The following PARM1 variants were observed in gnomAD, a reference collection of about 807,000 sequenced individuals.
PARM1 encodes prostate androgen-regulated mucin-like protein 1.
Under a neutral mutation model 24.6 loss-of-function variants are expected in PARM1, and 14 were observed. The ratio of observed to expected loss-of-function variants is 0.57; its 90% CI spans 0.38 to 0.89. The LOEUF is 0.89. Among genes scored for constraint, PARM1 ranks in the 40% least tolerant of loss-of-function variants. PARM1 has a pLI of 0.00. For synonymous variants in PARM1, 179 were observed against 156.6 expected (o/e 1.14, Z -1.07); for missense variants, 362 against 380.4 (o/e 0.95, Z 0.40).
At chr4:75,026,416 A>C (rs1373662744) in intron 2 of PARM1, among the ~76,000 whole-genome samples, 1 of 152,236 alleles carries the variant, frequency 6.6e-6, no homozygotes, top group African/African-American at 2.4e-5. Flanking sequence ...TACATATGGC[A>C]GTATCAGTTA....
intron 1 of PARM1, among the ~76,000 whole-genome samples, chr4:74,981,075 T>C (rs746929947): frequency 1.3e-5 from 2 of 152,060 alleles, no homozygotes; most frequent in South Asian, 2.1e-4. Flanking sequence ...TATGAAAATG[T>C]CAAAAGCAAT....
intron 1 of PARM1, among the ~76,000 whole-genome samples, chr4:74,991,425 C>T (rs1722464102): frequency 6.6e-6 from 1 of 152,060 alleles, no homozygotes; most frequent in Non-Finnish European, 1.5e-5. Flanking sequence ...TAGGCAGAGC[C>T]AGGCAAACTT....
chr4:74,934,719 G>A (rs952934560), intron 1 of PARM1, among the ~76,000 whole-genome samples: 3 of 152,204 alleles, frequency 2.0e-5, no homozygotes, highest in Non-Finnish European at 2.9e-5. Flanking sequence ...CCGGCTGGCT[G>A]CGGGTGGTAA....
At chr4:74,999,517 T>C (rs1248993488) in intron 1 of PARM1, among the ~76,000 whole-genome samples, 1 of 152,136 alleles carries the variant, frequency 6.6e-6, no homozygotes, top group Non-Finnish European at 1.5e-5. Flanking sequence ...AATGGAAAGG[T>C]TGTATGAAAT....
chr4:75,023,868 C>T (rs1171967042), intron 2 of PARM1, among the ~76,000 whole-genome samples: 1 of 152,186 alleles, frequency 6.6e-6, no homozygotes, highest in Non-Finnish European at 1.5e-5. Flanking sequence ...GTACTCTTCC[C>T]TTAACTGGCA....
intron 1 of PARM1, among the ~76,000 whole-genome samples, chr4:75,003,299 AAAG>A (rs2109788294): frequency 6.6e-6 from 1 of 152,126 alleles, no homozygotes; most frequent in African/African-American, 2.4e-5. Context: ...AGGGACTGAC[AAAG>A]ACAGATGTTG....
chr4:75,041,864 G>A (rs1410862354), intron 3 of PARM1, among the ~76,000 whole-genome samples: 2 of 152,094 alleles, frequency 1.3e-5, no homozygotes, highest in Admixed American at 6.5e-5. Flanking sequence ...GTTTTAATTT[G>A]CTTACTGCAC....
chr4:74,934,525 A>G (rs1025248259), intron 1 of PARM1, among the ~76,000 whole-genome samples: 2 of 152,240 alleles, frequency 1.3e-5, no homozygotes, highest in South Asian at 2.1e-4. Flanking sequence ...ACTTGAAACT[A>G]TAGCGTATTT....
chr4:74,987,815 T>G (rs1400328314), intron 1 of PARM1, among the ~76,000 whole-genome samples: 2 of 152,224 alleles, frequency 1.3e-5, no homozygotes. Flanking sequence ...GGCACCTACT[T>G]CCTCTGGGGA....
chr4:74,964,744 A>G (rs978640968), intron 1 of PARM1, among the ~76,000 whole-genome samples: 1 of 152,200 alleles, frequency 6.6e-6, no homozygotes, highest in Non-Finnish European at 1.5e-5. Flanking sequence ...ATTTAGTAGG[A>G]GCTTAGTAAA....
At chr4:74,993,309 G>T (rs1182553268) in intron 1 of PARM1, among the ~76,000 whole-genome samples, 1 of 152,110 alleles carries the variant, frequency 6.6e-6, no homozygotes, top group Non-Finnish European at 1.5e-5. Context: ...GATCACCAGG[G>T]CCTGAATTCT....
At chr4:75,016,518 A>G (rs952665788) in intron 2 of PARM1, among the ~76,000 whole-genome samples, 3 of 152,078 alleles carry the variant, frequency 2.0e-5, no homozygotes, top group Non-Finnish European at 4.4e-5. Flanking sequence ...CCAGGTAGTG[A>G]TCACAGTACC....
rs201213039 is a variant in PARM1, at chr4:75,033,960, A to G, written c.847A>G (p.Arg283Gly). 34 of 1,596,256 alleles carry G rather than the reference A, an allele frequency of 2.1e-5. No individual in the cohort carries two copies. The highest frequency in any genetic ancestry group is 2.7e-5 in the Non-Finnish European group (32 of 1,170,718). The change falls in exon 3 of 4, where the codon AGG becomes GGG. Residue 283 changes from arginine (R) to glycine (G), a missense_variant and splice_region_variant. Arg to Gly is a moderately radical substitution (Grantham distance 125). Transcript: ENST00000307428. ...TGGAGTTGCAGCCTACCTAAAAATC[A>G]GGTGAGACGCAGCTTACTCTTAAAA... The part of the protein sequence containing the change: ...VFGVAAYLKI[R>G]HSSYGRLLDD...
chr4:74,959,122 A>G (rs1175865778), intron 1 of PARM1, among the ~76,000 whole-genome samples: 1 of 152,140 alleles, frequency 6.6e-6, no homozygotes, highest in Non-Finnish European at 1.5e-5. Flanking sequence ...AGGAACTGAA[A>G]TTTTCATTTT....
chr4:74,975,507 A>G (rs1042219970), intron 1 of PARM1, among the ~76,000 whole-genome samples: 1 of 152,262 alleles, frequency 6.6e-6, no homozygotes, highest in Non-Finnish European at 1.5e-5. Flanking sequence ...GGCATTTGCC[A>G]GAAATTTTAC....
intron 1 of PARM1, among the ~76,000 whole-genome samples, chr4:74,981,528 TG>T (rs1722255882): frequency 6.6e-6 from 1 of 152,104 alleles, no homozygotes; most frequent in Non-Finnish European, 1.5e-5. Flanking sequence ...ACACTGTTGG[TG>T]GGAATGTAAA....
chr4:74,939,400 A>G (rs903701123), intron 1 of PARM1, among the ~76,000 whole-genome samples: 4 of 152,176 alleles, frequency 2.6e-5, no homozygotes, highest in East Asian at 1.9e-4. Flanking sequence ...TGGGATTTCT[A>G]TAGCCTCCCT....
chr4:75,036,684 T>C (rs1021166773), intron 3 of PARM1, among the ~76,000 whole-genome samples: 3 of 152,096 alleles, frequency 2.0e-5, no homozygotes, highest in African/African-American at 7.2e-5. Flanking sequence ...AGCAGGCCAT[T>C]ACAATTTGCT....
chr4:74,943,514 G>C (rs543992692), intron 1 of PARM1, among the ~76,000 whole-genome samples: 3 of 151,868 alleles, frequency 2.0e-5, no homozygotes, highest in Middle Eastern at 6.9e-3. Context: ...AAAAAAATGA[G>C]TCAGGCCTTT....
Sources: gnomAD v4.1 joint callset for allele counts (sites outside exome capture counted in the v4.1 genomes callset) on GRCh38, gnomAD v4.1.1 for gene constraint, MANE v1.5 for transcripts, NCBI Gene and HGNC (gene_info 2026-07-23, HGNC 2026-07-21) for gene names.